Variants in ATP9B observed in about 807,000 individuals in gnomAD.
ATP9B encodes ATPase phospholipid transporting 9B.
A neutral mutation model predicts 146.1 loss-of-function variants in ATP9B; 110 were observed. The observed-to-expected ratio is 0.75, with a 90% CI of 0.65 to 0.88. ATP9B has a LOEUF of 0.88. Ranked by LOEUF, ATP9B falls within the 40% of genes least tolerant of loss-of-function variation. The probability of loss-of-function intolerance (pLI) is 0.00; values close to 1 mark genes in which losing one functional copy is unlikely to be tolerated. For synonymous variants in ATP9B, 604 were observed against 569.7 expected, an observed-to-expected ratio of 1.06 and a Z score of -0.86; for missense variants, 1,499 against 1,496.4, an observed-to-expected ratio of 1.00 and a Z score of -0.03.
intron 26 of ATP9B, chr18:79,372,453 G>C (rs964742121): frequency 2.8e-5 from 11 of 396,258 alleles, no homozygotes; most frequent in African/African-American, 2.3e-4. Context: ...AGTAAATATA[G>C]AAGTATTTGT....
chr18:79,342,563 T>C (rs1465220112), intron 20 of ATP9B, among the ~76,000 whole-genome samples, 197 bp downstream of exon 20: 1 of 152,026 alleles, frequency 6.6e-6, no homozygotes, highest in East Asian at 1.9e-4. Context: ...AATGTGCACA[T>C]GTACCCTAAA....
At chr18:79,200,036 T>C (rs2095453338) in intron 9 of ATP9B, among the ~76,000 whole-genome samples, 1 of 152,238 alleles carries the variant, frequency 6.6e-6, no homozygotes, top group African/African-American at 2.4e-5. Flanking sequence ...TAGTAACACA[T>C]AAACTAGTAA....
At chr18:79,175,837 T>A (rs1312173357) in intron 7 of ATP9B, among the ~76,000 whole-genome samples, 1 of 152,048 alleles carries the variant, frequency 6.6e-6, no homozygotes, top group Non-Finnish European at 1.5e-5. Context: ...CACACACATA[T>A]ACATGCACAC....
intron 25 of ATP9B, chr18:79,353,958 C>A (rs2096936130): frequency 6.6e-6 from 1 of 152,126 alleles, no homozygotes; most frequent in African/African-American, 2.4e-5. Context: ...GGATAGAGTT[C>A]TCTAAGCATG....
intron 17 of ATP9B, among the ~76,000 whole-genome samples, chr18:79,335,986 C>T (rs1242583609): frequency 6.6e-6 from 1 of 151,888 alleles, no homozygotes; most frequent in Non-Finnish European, 1.5e-5. Context: ...ACCAGGAGCC[C>T]TCCCTGGCAC....
intron 15 of ATP9B, among the ~76,000 whole-genome samples, chr18:79,313,576 A>G (rs1165458462): frequency 1.3e-5 from 2 of 152,246 alleles, no homozygotes; most frequent in Admixed American, 6.5e-5. Flanking sequence ...ACTGTATTAC[A>G]TATTTACCAT....
intron 4 of ATP9B, among the ~76,000 whole-genome samples, chr18:79,119,983 C>A (rs2094160110): frequency 6.6e-6 from 1 of 152,148 alleles, no homozygotes; most frequent in East Asian, 1.9e-4. Context: ...ATTAAACATA[C>A]ACTAAATCTA....
rs4022380 is a variant in ATP9B at position 79,376,212 on chromosome 18, C to A, written c.3307+786C>A. ...ACACACACACACACACACACACACA[C>A]ACAAAACAAAACAAAAAAATGGCTA... On this transcript the variant is annotated intron_variant, in intron 29 of 29. Transcript: ENST00000426216. 5.6e-3 allele frequency: 4,714 copies of A among 837,046 alleles called. 72 individuals are homozygous for A. Among genetic ancestry groups the A allele is most frequent in the African/African-American group, 0.034 (1,257 of 36,696 alleles). The allele number at this position is 837,046 out of a possible 1,614,324, so 51.9% of individuals were successfully genotyped here.
At chr18:79,122,285 A>G (rs1040554691) in intron 4 of ATP9B, among the ~76,000 whole-genome samples, 1 of 152,202 alleles carries the variant, frequency 6.6e-6, no homozygotes, top group Non-Finnish European at 1.5e-5. Context: ...TTACCTCTGC[A>G]TCATGAACAT....
chr18:79,344,486 CTG>C, intron 21 of ATP9B, 132 bp downstream of exon 21: 1 of 817,510 alleles, frequency 1.2e-6, no homozygotes, highest in Non-Finnish European at 2.1e-6. Flanking sequence ...GTCTGTCTGT[CTG>C]TGTCTCTGAG....
At chr18:79,373,621 C>T (rs1403961130) in intron 27 of ATP9B, among the ~76,000 whole-genome samples, 1 of 151,938 alleles carries the variant, frequency 6.6e-6, no homozygotes, top group Non-Finnish European at 1.5e-5. Flanking sequence ...TCCCCAGTAG[C>T]TGGGATTACA....
At chr18:79,076,864 C>T (rs1325056197) in intron 1 of ATP9B, among the ~76,000 whole-genome samples, 1 of 151,982 alleles carries the variant, frequency 6.6e-6, no homozygotes, top group Admixed American at 6.6e-5. Context: ...TGGGCAGTTT[C>T]TGTTATTTTC....
intron 21 of ATP9B, 25 bp downstream of exon 21, chr18:79,344,379 C>G (rs969551650): frequency 6.3e-7 from 1 of 1,599,820 alleles, no homozygotes; most frequent in African/African-American, 1.4e-5. Flanking sequence ...TGAGTGAGTA[C>G]ATGTCTGTCT....
intron 15 of ATP9B, among the ~76,000 whole-genome samples, chr18:79,315,177 G>C (rs1825947577): frequency 6.6e-6 from 1 of 152,198 alleles, no homozygotes; most frequent in South Asian, 2.1e-4. Flanking sequence ...AGCACAAGTG[G>C]GTTATTAATA....
intron 12 of ATP9B, among the ~76,000 whole-genome samples, chr18:79,273,848 A>T (rs543004685): frequency 2.6e-5 from 4 of 152,354 alleles, no homozygotes; most frequent in African/African-American, 4.8e-5. Context: ...AAGAGATCTG[A>T]CATTCCGAGA....
intron 13 of ATP9B, among the ~76,000 whole-genome samples, chr18:79,279,950 A>G (rs913147703): frequency 3.9e-5 from 6 of 152,128 alleles, no homozygotes; most frequent in Admixed American, 1.3e-4. Context: ...CACGTGTTCT[A>G]CTCTCCAGCC....
At chr18:79,262,982 T>C (rs542873072) in intron 12 of ATP9B, among the ~76,000 whole-genome samples, 6 of 152,356 alleles carry the variant, frequency 3.9e-5, no homozygotes, top group African/African-American at 1.4e-4. Context: ...TTAACAAATT[T>C]ATTTTAATCT....
chr18:79,198,102 A>G (rs1043476864), intron 9 of ATP9B, among the ~76,000 whole-genome samples: 1 of 152,188 alleles, frequency 6.6e-6, no homozygotes, highest in African/African-American at 2.4e-5. Context: ...TAAAATTGCA[A>G]TTGTATATTC....
intron 25 of ATP9B, 52 bp from the exon 26 acceptor site, chr18:79,359,302 C>A: frequency 7.3e-7 from 1 of 1,367,492 alleles, no homozygotes; most frequent in Non-Finnish European, 1.0e-6. Flanking sequence ...CTGTTTCTAG[C>A]TGTGTGGTAG....
Sources: allele counts gnomAD v4.1 joint callset (sites outside exome capture counted in the v4.1 genomes callset), GRCh38; gene constraint gnomAD v4.1.1; transcripts MANE v1.5; gene names NCBI Gene and HGNC (gene_info 2026-07-23, HGNC 2026-07-21).